Variants in DIAPH2 observed in about 807,000 individuals in gnomAD.
DIAPH2 encodes the protein diaphanous related formin 2, also known as protein diaphanous homolog 2.
In DIAPH2, 35 loss-of-function variants were observed where a neutral mutation model predicts 92.7. That is an observed-to-expected ratio of 0.38 (90% CI 0.29 to 0.50). The LOEUF is 0.50. Among genes scored for constraint, DIAPH2 ranks in the 20% least tolerant of loss-of-function variants. The pLI is 0.94. For missense variants in DIAPH2, 701 were observed against 819.5 expected (o/e 0.86, Z 1.77); for synonymous variants, 301 against 280.4 (o/e 1.07, Z -0.73).
chrX:97,571,038 C>A (rs1221397189), intron 26 of DIAPH2, among the ~76,000 whole-genome samples: 1 of 111,357 alleles, frequency 9.0e-6, no homozygotes, highest in South Asian at 3.8e-4. Context: ...TAATATAGTG[C>A]ACGTTCAAAA....
chrX:97,564,886 A>G (rs2071316181), intron 26 of DIAPH2, among the ~76,000 whole-genome samples: 2 of 112,178 alleles, frequency 1.8e-5, no homozygotes, highest in African/African-American at 6.5e-5. Flanking sequence ...AGGAAAAGCC[A>G]TCCTTTCTAC....
chrX:97,121,470 G>A (rs1018779829), intron 21 of DIAPH2, among the ~76,000 whole-genome samples: 1 of 111,925 alleles, frequency 8.9e-6, no homozygotes, highest in Admixed American at 9.5e-5. Flanking sequence ...TATATCTCCA[G>A]TGTCTATTAT....
intron 21 of DIAPH2, among the ~76,000 whole-genome samples, chrX:97,124,349 G>T (rs1229683924): frequency 8.9e-6 from 1 of 112,079 alleles, no homozygotes; most frequent in East Asian, 2.8e-4. Context: ...CTTATTTAAA[G>T]ATCTTTTTCT....
At chrX:97,354,382 C>G (rs1458630933) in intron 24 of DIAPH2, among the ~76,000 whole-genome samples, 1 of 110,906 alleles carries the variant, frequency 9.0e-6, no homozygotes, top group Admixed American at 9.6e-5. Context: ...TAAATCTGAG[C>G]TTTTTTTTGA....
intron 23 of DIAPH2, among the ~76,000 whole-genome samples, chrX:97,347,141 T>C (rs1306553050): frequency 3.0e-5 from 3 of 98,810 alleles, no homozygotes; most frequent in Non-Finnish European, 4.0e-5. Flanking sequence ...CAGGCTGGAG[T>C]GCAGTGGCGC....
chrX:96,841,697 C>T (rs2064937742), intron 4 of DIAPH2, among the ~76,000 whole-genome samples: 1 of 112,014 alleles, frequency 8.9e-6, no homozygotes, highest in South Asian at 3.7e-4. Flanking sequence ...CCAGAACACC[C>T]AGCACTCTAG....
At chrX:96,998,839 C>T (rs2066122738) in intron 17 of DIAPH2, among the ~76,000 whole-genome samples, 2 of 111,933 alleles carry the variant, frequency 1.8e-5, no homozygotes, top group Middle Eastern at 4.6e-3. Context: ...TCAGTCTCTT[C>T]ATCTATAAAA....
At chrX:97,325,798 C>T (rs1046977029) in intron 23 of DIAPH2, among the ~76,000 whole-genome samples, 42 of 111,264 alleles carry the variant, frequency 3.8e-4, no homozygotes, top group African/African-American at 1.3e-3. Context: ...AGGATGGTCT[C>T]GATCTCCTGA....
chrX:97,111,954 T>C (rs2066983467), intron 20 of DIAPH2, among the ~76,000 whole-genome samples: 1 of 112,445 alleles, frequency 8.9e-6, no homozygotes, highest in African/African-American at 3.2e-5. Flanking sequence ...ATAAAGCAAA[T>C]GTTGAAAAAT....
At chrX:97,009,157 C>T (rs973427692) in intron 17 of DIAPH2, among the ~76,000 whole-genome samples, 4 of 110,386 alleles carry the variant, frequency 3.6e-5, no homozygotes, top group African/African-American at 1.3e-4. Context: ...CTGTCCCACA[C>T]TTCCCTCCCC....
intron 22 of DIAPH2, among the ~76,000 whole-genome samples, chrX:97,167,316 G>A (rs2067419514): frequency 9.0e-6 from 1 of 111,591 alleles, no homozygotes; most frequent in African/African-American, 3.3e-5. Context: ...AAATGTATCA[G>A]TATTTATTCA....
At chrX:97,511,901 T>C (rs1482821245) in intron 26 of DIAPH2, among the ~76,000 whole-genome samples, 3 of 111,918 alleles carry the variant, frequency 2.7e-5, no homozygotes, top group Non-Finnish European at 5.6e-5. Flanking sequence ...TGCTGCTGGA[T>C]TCGGTTTGCC....
At chrX:97,109,941 T>C (rs1391810901) in intron 20 of DIAPH2, among the ~76,000 whole-genome samples, 1 of 111,911 alleles carries the variant, frequency 8.9e-6, no homozygotes, top group African/African-American at 3.2e-5. Flanking sequence ...AGTATACAAC[T>C]TCTTCTGAAA....
intron 26 of DIAPH2, among the ~76,000 whole-genome samples, chrX:97,583,695 G>A (rs1435480915): frequency 9.0e-6 from 1 of 111,468 alleles, no homozygotes; most frequent in African/African-American, 3.3e-5. Flanking sequence ...GCTGTGGTGG[G>A]CTCCACCCAG....
intron 4 of DIAPH2, among the ~76,000 whole-genome samples, chrX:96,773,237 T>TCCCCCC (rs769269560): frequency 1.8e-4 from 15 of 82,156 alleles, no homozygotes; most frequent in African/African-American, 6.5e-4. Flanking sequence ...CTGAATTGTT[T>TCCCCCC]CCCCCCCCCT....
intron 4 of DIAPH2, among the ~76,000 whole-genome samples, chrX:96,786,333 G>T (rs1190733927): frequency 3.6e-5 from 4 of 111,891 alleles, no homozygotes; most frequent in African/African-American, 1.3e-4. Context: ...CTGATTACCA[G>T]GGAGTCATGA....
chrX:97,245,372 G>T (rs1452129583), intron 22 of DIAPH2, among the ~76,000 whole-genome samples: 1 of 110,238 alleles, frequency 9.1e-6, no homozygotes, highest in East Asian at 2.8e-4. Flanking sequence ...GGAATACAGT[G>T]ATGCCATCAT....
chrX:97,515,527 G>T (rs2070939247), intron 26 of DIAPH2, among the ~76,000 whole-genome samples: 1 of 112,224 alleles, frequency 8.9e-6, no homozygotes, highest in Admixed American at 9.4e-5. Flanking sequence ...AGCCATCTTG[G>T]CTCAGGAACC....
chrX:96,938,420 A>G (rs1459475657), intron 11 of DIAPH2, among the ~76,000 whole-genome samples: 1 of 111,728 alleles, frequency 9.0e-6, no homozygotes, highest in Admixed American at 9.5e-5. Context: ...TCTTATAATC[A>G]AACTTCACCA....
Sources: allele counts gnomAD v4.1 joint callset (sites outside exome capture counted in the v4.1 genomes callset), GRCh38; gene constraint gnomAD v4.1.1; transcripts MANE v1.5; gene names NCBI Gene and HGNC (gene_info 2026-07-23, HGNC 2026-07-21).